Variants in RNF216 observed in about 807,000 individuals in gnomAD.
The protein encoded by RNF216 is ring finger protein 216, also known as E3 ubiquitin-protein ligase RNF216.
In RNF216, 72 loss-of-function variants were observed where a neutral mutation model predicts 110.8. The ratio of observed to expected loss-of-function variants is 0.65; its 90% CI spans 0.54 to 0.79. The LOEUF (loss-of-function observed/expected upper bound fraction) is 0.79, where lower values mean the gene tolerates loss of function less well. Ranked by LOEUF, RNF216 falls within the 30% of genes least tolerant of loss-of-function variation. The pLI is 0.00. For missense variants in RNF216, 1,342 were observed against 1,141.2 expected (o/e 1.18, Z -2.54); for synonymous variants, 495 against 407.5 (o/e 1.21, Z -2.59).
intron 5 of RNF216, among the ~76,000 whole-genome samples, chr7:5,737,661 A>G (rs1794506506): frequency 6.6e-6 from 1 of 152,164 alleles, no homozygotes; most frequent in Non-Finnish European, 1.5e-5. Flanking sequence ...AAGTACCTAC[A>G]TTGGGCTAAG....
intron 3 of RNF216, among the ~76,000 whole-genome samples, chr7:5,751,956 G>C (rs1280399810): frequency 1.3e-5 from 2 of 151,994 alleles, no homozygotes; most frequent in Admixed American, 6.6e-5. Flanking sequence ...GGGAGGCTGA[G>C]GGGGGCGGAT....
At chr7:5,735,744 AGTGTAC>A (rs1794358372) in intron 5 of RNF216, among the ~76,000 whole-genome samples, 1 of 152,148 alleles carries the variant, frequency 6.6e-6, no homozygotes, top group South Asian at 2.1e-4. Flanking sequence ...ATGGCCTGGT[AGTGTAC>A]ACTCTTAACG....
chr7:5,728,585 G>A (rs1444247485), intron 7 of RNF216, among the ~76,000 whole-genome samples: 1 of 150,912 alleles, frequency 6.6e-6, no homozygotes, highest in Non-Finnish European at 1.5e-5. Flanking sequence ...AAAAAAAAAA[G>A]AAAAAGAAAA....
chr7:5,709,879 T>TTA (rs1792554977), intron 13 of RNF216, among the ~76,000 whole-genome samples: 1 of 152,174 alleles, frequency 6.6e-6, no homozygotes. Flanking sequence ...CTCAGTCTCT[T>TTA]AAGTAGCTAG....
At chr7:5,698,083 T>C (rs1791737862) in intron 13 of RNF216, among the ~76,000 whole-genome samples, 1 of 152,152 alleles carries the variant, frequency 6.6e-6, no homozygotes, top group African/African-American at 2.4e-5. Context: ...AAAGTACTTT[T>C]ATGAGGCTAT....
At chr7:5,659,866 T>G (rs73338077) in intron 13 of RNF216, among the ~76,000 whole-genome samples, 10,094 of 152,126 alleles carry the variant, frequency 0.066, 1,128 homozygotes, top group African/African-American at 0.23. Flanking sequence ...CTTTTTTTGT[T>G]AAGAAGAAGA....
intron 13 of RNF216, among the ~76,000 whole-genome samples, chr7:5,695,615 T>C (rs1036110131): frequency 6.6e-6 from 1 of 152,192 alleles, no homozygotes; most frequent in Non-Finnish European, 1.5e-5. Context: ...ATGAATTGCT[T>C]GCTAGCAGTG....
At chr7:5,725,841 C>CAAA (rs756914396) in intron 7 of RNF216, among the ~76,000 whole-genome samples, 3 of 77,126 alleles carry the variant, frequency 3.9e-5, no homozygotes, top group Admixed American at 1.4e-4. Context: ...CCAGCCTGGG[C>CAAA]AAAAAAAAAA....
At chr7:5,692,905 G>A (rs1264535037) in intron 13 of RNF216, among the ~76,000 whole-genome samples, 1 of 152,168 alleles carries the variant, frequency 6.6e-6, no homozygotes, top group Non-Finnish European at 1.5e-5. Flanking sequence ...CCTCAAAAGC[G>A]ATTCACTGCT....
rs148307693 is a variant in RNF216, at chr7:5,705,602, T to C, written c.2061+6159A>G. Among the ~76,000 whole-genome samples, 587 of 152,102 alleles carry C rather than the reference T, an allele frequency of 3.9e-3. 3 individuals are homozygous for C. Among genetic ancestry groups the C allele is most frequent in the African/African-American group, 0.014 (562 of 41,496 alleles). ...CTTGGCAGAGGGAAAAAATGAACCA[T>C]ATGCCCTTTAAAAAAAACTGCGGTA... On this transcript the variant is annotated intron_variant, in intron 13 of 16. Coordinates refer to ENST00000389902, the MANE Select transcript of RNF216 (RefSeq NM_207111.4).
intron 13 of RNF216, among the ~76,000 whole-genome samples, chr7:5,676,447 C>T (rs1443871318): frequency 2.0e-5 from 3 of 152,156 alleles, no homozygotes; most frequent in Admixed American, 2.0e-4. Context: ...CAAGTCAAGC[C>T]CCATCTGTGA....
intron 2 of RNF216, among the ~76,000 whole-genome samples, chr7:5,757,398 T>C (rs907807878): frequency 4.8e-5 from 5 of 103,394 alleles, no homozygotes; most frequent in African/African-American, 1.5e-4. Context: ...ATTACACAGA[T>C]ATATCAGCTC....
At chr7:5,779,759 G>A (rs1796975923) in intron 1 of RNF216, among the ~76,000 whole-genome samples, 1 of 150,624 alleles carries the variant, frequency 6.6e-6, no homozygotes, top group Admixed American at 6.6e-5. Flanking sequence ...AAGCTGGCAG[G>A]CGGAGGGTGC....
At chr7:5,727,732 A>G (rs1224394146) in intron 7 of RNF216, among the ~76,000 whole-genome samples, 8 of 152,032 alleles carry the variant, frequency 5.3e-5, no homozygotes, top group Non-Finnish European at 1.2e-4. Context: ...CTGTTTCTAA[A>G]CAAGAATAAC....
intron 13 of RNF216, among the ~76,000 whole-genome samples, chr7:5,655,843 T>G (rs1049394303): frequency 4.6e-5 from 7 of 152,060 alleles, no homozygotes; most frequent in Non-Finnish European, 1.0e-4. Flanking sequence ...TTACGCATAT[T>G]ACGAAGAAAC....
At chr7:5,726,528 TTC>T (rs1021963336) in intron 7 of RNF216, among the ~76,000 whole-genome samples, 1 of 152,176 alleles carries the variant, frequency 6.6e-6, no homozygotes, top group Admixed American at 6.5e-5. Context: ...TACCTTCAGC[TTC>T]TCTCTGTTAG....
intron 1 of RNF216, among the ~76,000 whole-genome samples, chr7:5,769,150 C>G (rs1357984274): frequency 6.7e-6 from 1 of 150,312 alleles, no homozygotes; most frequent in Non-Finnish European, 1.5e-5. Flanking sequence ...ACGGAGTTCC[C>G]CTCTGTTGCC....
At chr7:5,674,227 A>G (rs1790119508) in intron 13 of RNF216, among the ~76,000 whole-genome samples, 1 of 151,944 alleles carries the variant, frequency 6.6e-6, no homozygotes, top group South Asian at 2.1e-4. Context: ...ACGGGGTTTC[A>G]CCATGTTGGT....
intron 10 of RNF216, among the ~76,000 whole-genome samples, chr7:5,715,459 T>A (rs2287594): frequency 6.6e-6 from 1 of 152,200 alleles, no homozygotes; most frequent in Non-Finnish European, 1.5e-5. Context: ...AAAGTTATCA[T>A]ATTCAATCCC....
Sources: gnomAD v4.1 joint callset for allele counts (sites outside exome capture counted in the v4.1 genomes callset) on GRCh38, gnomAD v4.1.1 for gene constraint, MANE v1.5 for transcripts, NCBI Gene and HGNC (gene_info 2026-07-23, HGNC 2026-07-21) for gene names.